The following PDGFC variants were observed in gnomAD, a reference collection of about 807,000 sequenced individuals.
PDGFC encodes the protein platelet-derived growth factor C.
A neutral mutation model predicts 35.5 loss-of-function variants in PDGFC; 12 were observed. The ratio of observed to expected loss-of-function variants is 0.34; its 90% CI spans 0.22 to 0.55. PDGFC has a LOEUF of 0.55. PDGFC is among the 20% of genes least tolerant of loss of function. The pLI is 0.91. For missense variants in PDGFC, 322 were observed against 412.4 expected, an observed-to-expected ratio of 0.78 and a Z score of 1.90; for synonymous variants, 159 against 148.8, an observed-to-expected ratio of 1.07 and a Z score of -0.50.
intron 1 of PDGFC, among the ~76,000 whole-genome samples, chr4:156,860,158 AT>A (rs1321473644): frequency 6.6e-6 from 1 of 152,168 alleles, no homozygotes; most frequent in East Asian, 1.9e-4. Flanking sequence ...GCAAGGTGAG[AT>A]TATTCTCTAA....
chr4:156,819,448 A>G (rs981423751), intron 2 of PDGFC, among the ~76,000 whole-genome samples: 1 of 152,192 alleles, frequency 6.6e-6, no homozygotes, highest in Admixed American at 6.5e-5. Flanking sequence ...CAAAAATGCT[A>G]GGGCTCTTAA....
rs936458527 is a variant in PDGFC at position 156,901,859 on chromosome 4, G to A, written c.119-51443C>T. 1.2e-4 allele frequency among the ~76,000 whole-genome samples: 19 copies of A among 152,050 alleles called. 1 individual carries two copies. The highest frequency in any genetic ancestry group is 2.7e-4 in the African/African-American group (11 of 41,410). On this transcript the variant is annotated intron_variant, in intron 1 of 5. Coordinates refer to ENST00000502773, the MANE Select transcript of PDGFC (RefSeq NM_016205.3). ...ACTCCTTGCCTCAAGTGATCTGCCC[G>A]CCTCGGCCTCCCAAAGTTCTGGAAT...
At chr4:156,896,148 A>T (rs1730628845) in intron 1 of PDGFC, among the ~76,000 whole-genome samples, 1 of 152,194 alleles carries the variant, frequency 6.6e-6, no homozygotes, top group Non-Finnish European at 1.5e-5. Flanking sequence ...TTTACCAAAT[A>T]CATAATTCAG....
In PDGFC at chr4:156,945,366, T is replaced by C. The variant is rs868134624; in HGVS notation, c.118+25420A>G. On this transcript the variant is annotated intron_variant, in intron 1 of 5. Coordinates refer to ENST00000502773, the MANE Select transcript of PDGFC (RefSeq NM_016205.3). ...ACATATATATATATATATATATATA[T>C]ATATATATATATATATATATATATA... Among the ~76,000 whole-genome samples, 382 of 121,866 alleles carry C rather than the reference T, an allele frequency of 3.1e-3. 3 individuals carry two copies. Among genetic ancestry groups the C allele is most frequent in the African/African-American group, 9.2e-3 (291 of 31,740 alleles). The allele number at this position is 121,866 out of a possible 152,430, so 79.9% of individuals were successfully genotyped here.
chr4:156,899,640 C>T (rs1730718815), intron 1 of PDGFC, among the ~76,000 whole-genome samples: 1 of 152,082 alleles, frequency 6.6e-6, no homozygotes, highest in Admixed American at 6.6e-5. Flanking sequence ...CATGGTGAAA[C>T]CTCGTCTCTA....
chr4:156,870,316 A>G (rs1033012432), intron 1 of PDGFC, among the ~76,000 whole-genome samples: 2 of 152,062 alleles, frequency 1.3e-5, no homozygotes, highest in Admixed American at 1.3e-4. Flanking sequence ...TTACCCATGT[A>G]TTGCCTCCAA....
intron 2 of PDGFC, among the ~76,000 whole-genome samples, chr4:156,839,532 C>T (rs549799072): frequency 1.1e-4 from 17 of 152,210 alleles, no homozygotes; most frequent in East Asian, 7.7e-4. Context: ...TTTACAGCCG[C>T]GTGAGAATGG....
chr4:156,834,826 A>C (rs889893132), intron 2 of PDGFC, among the ~76,000 whole-genome samples: 1 of 152,152 alleles, frequency 6.6e-6, no homozygotes, highest in African/African-American at 2.4e-5. Flanking sequence ...TTACTACTTC[A>C]TAACTGTCAG....
intron 5 of PDGFC, among the ~76,000 whole-genome samples, chr4:156,764,103 G>A (rs1002901408): frequency 6.6e-6 from 1 of 152,166 alleles, no homozygotes; most frequent in Admixed American, 6.5e-5. Context: ...ACAAAGGCCA[G>A]AGCACAAAAT....
At chr4:156,901,348 G>A (rs529087678) in intron 1 of PDGFC, among the ~76,000 whole-genome samples, 128 of 152,192 alleles carry the variant, frequency 8.4e-4, no homozygotes, top group Non-Finnish European at 1.7e-3. Flanking sequence ...GGCTTTTAAC[G>A]AAGCTCCCTA....
At chr4:156,885,960 TG>T (rs1230865019) in intron 1 of PDGFC, among the ~76,000 whole-genome samples, 2 of 152,170 alleles carry the variant, frequency 1.3e-5, no homozygotes, top group Non-Finnish European at 2.9e-5. Context: ...AAAATAATTT[TG>T]GCACTTCTTA....
At chr4:156,833,862 TGTG>T (rs1729002097) in intron 2 of PDGFC, among the ~76,000 whole-genome samples, 1 of 152,214 alleles carries the variant, frequency 6.6e-6, no homozygotes, top group African/African-American at 2.4e-5. Context: ...AGATTAGAGT[TGTG>T]GATAACCAAC....
At chr4:156,776,106 A>G (rs1730820448) in intron 3 of PDGFC, among the ~76,000 whole-genome samples, 1 of 152,178 alleles carries the variant, frequency 6.6e-6, no homozygotes, top group Non-Finnish European at 1.5e-5. Flanking sequence ...AGGGGGGAGC[A>G]ATGAAAAAAA....
intron 2 of PDGFC, among the ~76,000 whole-genome samples, chr4:156,835,059 C>A (rs1270783482): frequency 6.6e-6 from 1 of 152,088 alleles, no homozygotes; most frequent in Non-Finnish European, 1.5e-5. Context: ...TTATATTACT[C>A]ATTTAGATGA....
intron 2 of PDGFC, chr4:156,841,395 G>A (rs34475922): frequency 0.032 from 5,090 of 157,378 alleles, 136 homozygotes; most frequent in Non-Finnish European, 0.051. Flanking sequence ...AGAAGGATGT[G>A]TTTGCTTCCC....
chr4:156,898,685 G>T (rs1379172197), intron 1 of PDGFC, among the ~76,000 whole-genome samples: 2 of 151,550 alleles, frequency 1.3e-5, no homozygotes, highest in East Asian at 1.9e-4. Context: ...TTCAGACAGG[G>T]TCTAGCTCTG....
Position 156,891,996 on chromosome 4 carries a change from C to T in PDGFC, c.119-41580G>A, listed in dbSNP as rs375489767. 4.6e-5 allele frequency among the ~76,000 whole-genome samples: 7 copies of T among 152,250 alleles called. No individual in the cohort carries two copies. The East Asian group carries it at 5.8e-4, about 13-fold the overall frequency. ...AATACAGTATTCTAGACATGAAGTACGTGCTGGTTGTGTATCAAACCAGCA... is the reference window on the plus strand; with the variant it reads ...AATACAGTATTCTAGACATGAAGTATGTGCTGGTTGTGTATCAAACCAGCA... On this transcript the variant is annotated intron_variant, in intron 1 of 5. Coordinates refer to ENST00000502773, the MANE Select transcript of PDGFC (RefSeq NM_016205.3).
intron 1 of PDGFC, among the ~76,000 whole-genome samples, chr4:156,871,124 C>T (rs369218642): frequency 5.9e-5 from 9 of 152,174 alleles, no homozygotes; most frequent in African/African-American, 1.9e-4. Context: ...CTATTAACTG[C>T]TCAGTTTATA....
At chr4:156,870,142 G>A (rs73856769) in intron 1 of PDGFC, among the ~76,000 whole-genome samples, 2,420 of 152,164 alleles carry the variant, frequency 0.016, 51 homozygotes, top group African/African-American at 0.054. Context: ...TTAGTAGCCA[G>A]CAATAAATTA....
Sources: allele counts gnomAD v4.1 joint callset (sites outside exome capture counted in the v4.1 genomes callset), GRCh38; gene constraint gnomAD v4.1.1; transcripts MANE v1.5; gene names NCBI Gene and HGNC (gene_info 2026-07-23, HGNC 2026-07-21).